The following RFX3 variants were observed in gnomAD, a reference collection of about 807,000 sequenced individuals.
The protein encoded by RFX3 is regulatory factor X3.
Under a neutral mutation model 98.6 loss-of-function variants are expected in RFX3, and 14 were observed. That is an observed-to-expected ratio of 0.14 (90% CI 0.09 to 0.22). RFX3 has a LOEUF of 0.22. Ranked by LOEUF, RFX3 falls within the 10% of genes least tolerant of loss-of-function variation. The probability of loss-of-function intolerance (pLI) is 1.00; values close to 1 mark genes in which losing one functional copy is unlikely to be tolerated. For missense variants in RFX3, 639 were observed against 926.9 expected (o/e 0.69, Z 4.03); for synonymous variants, 383 against 328.4 (o/e 1.17, Z -1.80).
intron 2 of RFX3, among the ~76,000 whole-genome samples, chr9:3,348,053 T>A (rs748217559): frequency 3.3e-5 from 5 of 152,202 alleles, no homozygotes; most frequent in Non-Finnish European, 7.4e-5. Flanking sequence ...ATGGTCTACA[T>A]AATAATGCAT....
At chr9:3,228,607 T>C (rs1045304344) in intron 16 of RFX3, among the ~76,000 whole-genome samples, 1 of 152,322 alleles carries the variant, frequency 6.6e-6, no homozygotes, top group Non-Finnish European at 1.5e-5. Context: ...GAAAAAAGTA[T>C]AAAGAATTTT....
chr9:3,310,925 T>G (rs1829881038), intron 4 of RFX3, among the ~76,000 whole-genome samples: 3 of 152,194 alleles, frequency 2.0e-5, no homozygotes, highest in Admixed American at 2.0e-4. Context: ...GTTAACAATT[T>G]ACTTTCTAAC....
At chr9:3,444,245 C>CTA (rs1281223321) in intron 1 of RFX3, among the ~76,000 whole-genome samples, 1 of 152,086 alleles carries the variant, frequency 6.6e-6, no homozygotes. Context: ...AAGGAATGAA[C>CTA]TACCATTACA....
At chr9:3,269,535 C>G (rs567177694) in intron 11 of RFX3, among the ~76,000 whole-genome samples, 9 of 152,168 alleles carry the variant, frequency 5.9e-5, no homozygotes, top group African/African-American at 1.9e-4. Context: ...CTACTGTGTA[C>G]TCATATAGAT....
intron 1 of RFX3, among the ~76,000 whole-genome samples, chr9:3,438,162 C>A (rs949735953): frequency 1.3e-5 from 2 of 152,004 alleles, no homozygotes; most frequent in African/African-American, 4.8e-5. Flanking sequence ...ACACAGAAGC[C>A]GACAGTTGAT....
At chr9:3,514,196 T>C (rs372777898) in intron 1 of RFX3, among the ~76,000 whole-genome samples, 67 of 152,306 alleles carry the variant, frequency 4.4e-4, no homozygotes, top group African/African-American at 1.3e-3. Context: ...AATCTTTCTT[T>C]GCCTCAAGAA....
At chr9:3,247,763 GT>G in intron 15 of RFX3, 1 of 1,575,942 alleles carries the variant, frequency 6.3e-7, no homozygotes, top group Non-Finnish European at 8.6e-7. Context: ...TGGTTCTCAA[GT>G]TTTTCTTTTA....
At chr9:3,418,388 T>C (rs1024907400) in intron 1 of RFX3, among the ~76,000 whole-genome samples, 1 of 150,280 alleles carries the variant, frequency 6.7e-6, no homozygotes, top group Admixed American at 6.6e-5. Flanking sequence ...TTTGTTTTTG[T>C]TTTTTTTTGG....
chr9:3,367,923 A>G (rs977623854), intron 2 of RFX3, among the ~76,000 whole-genome samples: 1 of 152,232 alleles, frequency 6.6e-6, no homozygotes, highest in Non-Finnish European at 1.5e-5. Flanking sequence ...TGCTATCATC[A>G]ATCCCTAGAA....
At chr9:3,373,902 T>G (rs748292196) in intron 2 of RFX3, among the ~76,000 whole-genome samples, 1 of 151,844 alleles carries the variant, frequency 6.6e-6, no homozygotes, top group Non-Finnish European at 1.5e-5. Context: ...CACGGTGAAA[T>G]CCCGTCTCTA....
intron 3 of RFX3, among the ~76,000 whole-genome samples, chr9:3,335,751 T>C (rs180756843): frequency 2.0e-5 from 3 of 152,332 alleles, no homozygotes; most frequent in South Asian, 2.1e-4. Flanking sequence ...GATATGTGTA[T>C]ACTTGCCGAC....
In RFX3 at chr9:3,330,526, G is replaced by A. The variant is rs183273476; in HGVS notation, c.216-9C>T. ...GATACGTTGTTGTTCGGCTTTAGAA[G>A]AAGAAGAAAAAAGAAATTTACTAGC... On this transcript the variant is annotated splice_polypyrimidine_tract_variant and intron_variant, in intron 3 of 16. Transcript: ENST00000617270. 1.9e-6 allele frequency: 3 copies of A among 1,583,850 alleles called. No individual in the cohort carries two copies. Among genetic ancestry groups the A allele is most frequent in the Admixed American group, 3.6e-5 (2 of 55,470 alleles).
intron 5 of RFX3, among the ~76,000 whole-genome samples, chr9:3,293,868 G>A (rs1306721100): frequency 6.6e-6 from 1 of 152,040 alleles, no homozygotes; most frequent in East Asian, 1.9e-4. Context: ...ACAAGACATT[G>A]GCAAAGAGTT....
chr9:3,239,918 G>A (rs553061240), intron 15 of RFX3, among the ~76,000 whole-genome samples: 1 of 152,266 alleles, frequency 6.6e-6, no homozygotes, highest in African/African-American at 2.4e-5. Flanking sequence ...CCAGGCCCTG[G>A]CAGTTCTCTT....
At chr9:3,360,034 G>T (rs1358652430) in intron 2 of RFX3, among the ~76,000 whole-genome samples, 1 of 152,072 alleles carries the variant, frequency 6.6e-6, no homozygotes, top group Non-Finnish European at 1.5e-5. Context: ...AAGAGATGGG[G>T]AAACCAGCAT....
intron 14 of RFX3, among the ~76,000 whole-genome samples, 198 bp downstream of exon 14, chr9:3,256,793 T>C (rs1822201971): frequency 6.6e-6 from 1 of 152,206 alleles, no homozygotes; most frequent in South Asian, 2.1e-4. Context: ...GCAGAAAGTT[T>C]ATTTCTCTAA....
chr9:3,340,371 A>T (rs1053831496), intron 3 of RFX3, among the ~76,000 whole-genome samples: 2 of 152,238 alleles, frequency 1.3e-5, no homozygotes, highest in African/African-American at 4.8e-5. Context: ...AAACACCAAA[A>T]GCAATGGCAA....
chr9:3,326,792 T>C (rs761759228), intron 4 of RFX3, among the ~76,000 whole-genome samples: 22 of 152,170 alleles, frequency 1.4e-4, no homozygotes, highest in Non-Finnish European at 2.4e-4. Flanking sequence ...AACTTTGCCA[T>C]AGGAACTGGG....
chr9:3,454,009 G>T (rs1235256312), intron 1 of RFX3, among the ~76,000 whole-genome samples: 3 of 152,124 alleles, frequency 2.0e-5, no homozygotes, highest in East Asian at 1.9e-4. Context: ...ATACAAGTTA[G>T]AGTAGTACAT....
Sources: gnomAD v4.1 joint callset for allele counts (sites outside exome capture counted in the v4.1 genomes callset) on GRCh38, gnomAD v4.1.1 for gene constraint, MANE v1.5 for transcripts, NCBI Gene and HGNC (gene_info 2026-07-23, HGNC 2026-07-21) for gene names.